The following BICC1 variants were observed in gnomAD, a reference collection of about 807,000 sequenced individuals.
BICC1 encodes protein bicaudal C homolog 1.
In BICC1, 43 loss-of-function variants were observed where a neutral mutation model predicts 111.0. That is an observed-to-expected ratio of 0.39 (90% confidence interval 0.30 to 0.50). The LOEUF is 0.50. Ranked by LOEUF, BICC1 falls within the 20% of genes least tolerant of loss-of-function variation. The pLI is 0.88. For synonymous variants in BICC1, 467 were observed against 434.4 expected (o/e 1.07, Z -0.93); for missense variants, 1,091 against 1,203.2 (o/e 0.91, Z 1.38).
At chr10:58,574,010 T>G (rs1002635563) in intron 1 of BICC1, among the ~76,000 whole-genome samples, 2 of 152,072 alleles carry the variant, frequency 1.3e-5, no homozygotes, top group Non-Finnish European at 2.9e-5. Context: ...CCTCCGTTGT[T>G]TATGACAAAT....
intron 1 of BICC1, among the ~76,000 whole-genome samples, chr10:58,608,634 C>T (rs909405613): frequency 6.6e-6 from 1 of 152,132 alleles, no homozygotes; most frequent in Non-Finnish European, 1.5e-5. Flanking sequence ...ACTATACGTC[C>T]TTAGAGGTCA....
chr10:58,705,633 T>C (rs973008106), intron 3 of BICC1, among the ~76,000 whole-genome samples: 1 of 152,232 alleles, frequency 6.6e-6, no homozygotes, highest in Non-Finnish European at 1.5e-5. Flanking sequence ...AATATTTTCA[T>C]GTGCACAGGG....
intron 9 of BICC1, among the ~76,000 whole-genome samples, chr10:58,795,650 ATT>A (rs750726831): frequency 7.0e-5 from 10 of 142,752 alleles, no homozygotes; most frequent in East Asian, 4.1e-4. Context: ...CTCAGCCACA[ATT>A]TTTTTTTTTT....
At chr10:58,646,929 CCTTT>C (rs1838287408) in intron 2 of BICC1, among the ~76,000 whole-genome samples, 1 of 151,902 alleles carries the variant, frequency 6.6e-6, no homozygotes, top group East Asian at 1.9e-4. Flanking sequence ...CTCTTTCTTT[CCTTT>C]CTGTTTTTAA....
At chr10:58,634,239 G>A (rs553524830) in intron 2 of BICC1, among the ~76,000 whole-genome samples, 1 of 151,958 alleles carries the variant, frequency 6.6e-6, no homozygotes, top group African/African-American at 2.4e-5. Flanking sequence ...GTGATCCACC[G>A]CCTCGGCCTG....
chr10:58,755,633 G>C (rs1047156047), intron 3 of BICC1, among the ~76,000 whole-genome samples: 2 of 152,076 alleles, frequency 1.3e-5, no homozygotes, highest in Admixed American at 1.3e-4. Context: ...CCTTAGGTTT[G>C]AAAGGGTGTT....
chr10:58,549,361 C>T (rs1843229109), intron 1 of BICC1, among the ~76,000 whole-genome samples: 1 of 152,086 alleles, frequency 6.6e-6, no homozygotes, highest in African/African-American at 2.4e-5. Flanking sequence ...TAAGACACTG[C>T]CAAACTGTAT....
chr10:58,744,499 T>G (rs1329094282), intron 3 of BICC1, among the ~76,000 whole-genome samples: 4 of 152,144 alleles, frequency 2.6e-5, no homozygotes, highest in African/African-American at 9.6e-5. Context: ...GAGGTGCCAT[T>G]TAAAGAATAA....
At chr10:58,685,606 C>G (rs1284705965) in intron 2 of BICC1, among the ~76,000 whole-genome samples, 1 of 152,112 alleles carries the variant, frequency 6.6e-6, no homozygotes, top group Admixed American at 6.6e-5. Flanking sequence ...GAATTGATCC[C>G]TTTTCCATTA....
rs144629273 is a variant in BICC1 at position 58,808,491 on chromosome 10, G to A, written c.2376+1333G>A. 2.5e-3 allele frequency among the ~76,000 whole-genome samples: 377 copies of A among 152,192 alleles called. 2 individuals are homozygous for A. The highest frequency in any genetic ancestry group is 4.4e-3 in the Non-Finnish European group (297 of 68,008). ...GCTTTAGAAATGCTCATTCAGTTCT[G>A]CTTTCTAAGACCAACAGTAGGACAA... On this transcript the variant is annotated intron_variant, in intron 17 of 20. Coordinates refer to ENST00000373886, the MANE Select transcript of BICC1 (RefSeq NM_001080512.3).
At chr10:58,525,815 G>T (rs1842524245) in intron 1 of BICC1, among the ~76,000 whole-genome samples, 1 of 151,954 alleles carries the variant, frequency 6.6e-6, no homozygotes, top group East Asian at 1.9e-4. Flanking sequence ...CCTTGAATTA[G>T]AGTTTATGTA....
At chr10:58,685,098 T>A (rs897100986) in intron 2 of BICC1, among the ~76,000 whole-genome samples, 3 of 152,220 alleles carry the variant, frequency 2.0e-5, no homozygotes, top group African/African-American at 7.2e-5. Context: ...TCAAAGAACA[T>A]CTTTATTTCT....
chr10:58,570,324 CT>C (rs1474286207), intron 1 of BICC1, among the ~76,000 whole-genome samples: 1 of 152,164 alleles, frequency 6.6e-6, no homozygotes, highest in East Asian at 1.9e-4. Context: ...CTATTTTGCC[CT>C]GTAACATTGA....
chr10:58,694,600 G>T (rs1485450101), intron 2 of BICC1, among the ~76,000 whole-genome samples: 1 of 152,192 alleles, frequency 6.6e-6, no homozygotes, highest in South Asian at 2.1e-4. Flanking sequence ...GAGTGGATTT[G>T]TCCTGTCCTC....
intron 18 of BICC1, among the ~76,000 whole-genome samples, chr10:58,816,581 T>C (rs912536287): frequency 2.6e-5 from 4 of 152,158 alleles, no homozygotes; most frequent in African/African-American, 9.7e-5. Flanking sequence ...CAGAGTAGAC[T>C]AGATGGATCT....
chr10:58,625,414 T>C (rs907281655), intron 2 of BICC1, among the ~76,000 whole-genome samples: 1 of 152,202 alleles, frequency 6.6e-6, no homozygotes, highest in African/African-American at 2.4e-5. Flanking sequence ...ATCCCAATGG[T>C]TGGAGAAGAC....
intron 1 of BICC1, among the ~76,000 whole-genome samples, chr10:58,594,445 G>A (rs1844744036): frequency 6.6e-6 from 1 of 152,084 alleles, no homozygotes; most frequent in African/African-American, 2.4e-5. Flanking sequence ...AAGTTGAAAT[G>A]AGGGAAAAAA....
At chr10:58,675,779 A>G (rs1839319715) in intron 2 of BICC1, among the ~76,000 whole-genome samples, 1 of 152,246 alleles carries the variant, frequency 6.6e-6, no homozygotes, top group Admixed American at 6.5e-5. Flanking sequence ...CACCTTGAAT[A>G]TATCCCATCT....
intron 3 of BICC1, among the ~76,000 whole-genome samples, chr10:58,767,526 C>T (rs1029785427): frequency 7.9e-5 from 12 of 152,064 alleles, no homozygotes; most frequent in Non-Finnish European, 1.3e-4. Context: ...AACACACACA[C>T]GCAGAAACCC....
Sources: allele counts gnomAD v4.1 joint callset (sites outside exome capture counted in the v4.1 genomes callset), GRCh38; gene constraint gnomAD v4.1.1; transcripts MANE v1.5; gene names NCBI Gene and HGNC (gene_info 2026-07-23, HGNC 2026-07-21).